The following MGST1 variants were observed in gnomAD, a reference collection of about 807,000 sequenced individuals.
MGST1 encodes microsomal glutathione S-transferase 1, also known as glutathione S-transferase 12.
Under a neutral mutation model 8.9 loss-of-function variants are expected in MGST1, and 5 were observed. That is an observed-to-expected ratio of 0.56 (90% CI 0.29 to 1.19). The LOEUF (loss-of-function observed/expected upper bound fraction) is 1.19, where lower values mean the gene tolerates loss of function less well. Ranked by LOEUF, MGST1 falls within the 50% of genes most tolerant of loss-of-function variation. The probability of loss-of-function intolerance (pLI) is 0.08; values close to 1 mark genes in which losing one functional copy is unlikely to be tolerated. For synonymous variants in MGST1, 54 were observed against 67.8 expected (o/e 0.80, Z 1.00); for missense variants, 182 against 187.4 (o/e 0.97, Z 0.17).
At chr12:16,583,084 T>C (rs1943216313) in intron 4 of MGST1, among the ~76,000 whole-genome samples, 1 of 149,506 alleles carries the variant, frequency 6.7e-6, no homozygotes, top group African/African-American at 2.5e-5. Context: ...TGTAGGGTCA[T>C]GGCATCCAAG....
At chr12:16,514,117 C>A (rs935028033) in intron 4 of MGST1, 1 of 367,136 alleles carries the variant, frequency 2.7e-6, no homozygotes, top group Non-Finnish European at 5.3e-6. Context: ...TTCGACATGG[C>A]CTACCAAGGC....
upstream of MGST1, among the ~76,000 whole-genome samples, chr12:16,382,208 G>A (rs1940463241): frequency 6.6e-6 from 1 of 152,176 alleles, no homozygotes; most frequent in African/African-American, 2.4e-5. Flanking sequence ...GAGGAGGAGA[G>A]GCGCTCTGAT....
In MGST1 at chr12:16,434,357, A is replaced by T. The variant is rs562423429; in HGVS notation, n.779-3031A>T. 5.9e-5 allele frequency among the ~76,000 whole-genome samples: 9 copies of T among 152,208 alleles called. No homozygotes were observed. The South Asian group carries it at 1.9e-3, about 32-fold the overall frequency. On this transcript the variant is annotated intron_variant and non_coding_transcript_variant, in intron 1 of 1. Coordinates refer to the MGST1 transcript ENST00000359720. ...ATACTTTCTAGTTTTAAAACACAAG[A>T]TTAAACAACGGAAATTTCTAGTTCT...
intron 4 of MGST1, chr12:16,573,829 G>A (rs1393000363): frequency 1.3e-5 from 2 of 152,100 alleles, no homozygotes; most frequent in African/African-American, 4.8e-5. Flanking sequence ...GTTAAGTGTC[G>A]AAATCAAGCA....
exon 2 of MGST1, chr12:16,438,492 A>G (rs1239922756): frequency 6.6e-6 from 1 of 151,876 alleles, no homozygotes; most frequent in Admixed American, 6.6e-5. Context: ...GGGTTAACAT[A>G]TGAATAGAGA....
At chr12:16,404,705 T>C (rs939403408) in intron 1 of MGST1, among the ~76,000 whole-genome samples, 2 of 152,186 alleles carry the variant, frequency 1.3e-5, no homozygotes, top group Non-Finnish European at 2.9e-5. Context: ...ATTGTCTTTG[T>C]CTATTTTAAT....
intron 1 of MGST1, among the ~76,000 whole-genome samples, chr12:16,353,623 T>C (rs1348279564): frequency 6.6e-6 from 1 of 152,148 alleles, no homozygotes; most frequent in Non-Finnish European, 1.5e-5. Flanking sequence ...AGTGCTAGTA[T>C]GTGATGTTAG....
chr12:16,557,526 G>C (rs562826430), intron 4 of MGST1, among the ~76,000 whole-genome samples: 1 of 152,044 alleles, frequency 6.6e-6, no homozygotes, highest in Non-Finnish European at 1.5e-5. Flanking sequence ...TATATACCTT[G>C]TTTAAGTAAT....
intron 1 of MGST1, among the ~76,000 whole-genome samples, chr12:16,385,071 C>T (rs1940493076): frequency 6.6e-6 from 1 of 152,128 alleles, no homozygotes; most frequent in African/African-American, 2.4e-5. Context: ...TGGATTTCAC[C>T]CACCGTGGAC....
intron 1 of MGST1, among the ~76,000 whole-genome samples, chr12:16,390,454 C>T (rs1940541774): frequency 6.6e-6 from 1 of 152,174 alleles, no homozygotes; most frequent in South Asian, 2.1e-4. Context: ...CTGCCACCCT[C>T]CACCCTCAAG....
At position 16,517,865 on chromosome 12, in the gene MGST1, C is replaced by T. The variant is rs1268876376; in HGVS notation, n.483-71663C>T. Among the ~76,000 whole-genome samples the T allele has an allele frequency of 6.6e-6, 1 of 152,098 alleles. No homozygotes were observed. The highest frequency in any genetic ancestry group is 2.4e-5 in the African/African-American group (1 of 41,404). The stretch of plus-strand genomic sequence containing the variant: ...ATTCTAGTTATGTTAATACATAGGT[C>T]CCTAAGTTCTTGATTAATGTACATT... On this transcript the variant is annotated intron_variant and non_coding_transcript_variant, in intron 4 of 4. Coordinates refer to the MGST1 transcript ENST00000538857. The surrounding 1 kb of genome is among the most constrained non-coding windows in gnomAD (Gnocchi z 4.2).
chr12:16,415,030 AT>A (rs1284428091), intron 1 of MGST1, among the ~76,000 whole-genome samples: 3 of 151,708 alleles, frequency 2.0e-5, no homozygotes, highest in East Asian at 2.0e-4. Flanking sequence ...GCCTCAAAAA[AT>A]TTTTTTTTCT....
In MGST1 at chr12:16,497,397, G is replaced by A. The variant is rs1463434706; in HGVS notation, n.483-92131G>A. On this transcript the variant is annotated intron_variant and non_coding_transcript_variant, in intron 4 of 4. Transcript: ENST00000538857. This position sits in a 1 kb window ranked among gnomAD's most constrained non-coding sequence, Gnocchi z 4.4. Reference sequence around the variant, plus strand: ...GCAGCAAATGGAAAAGGAGCAAAAAGCTCATTAAAGCAATGATCTGAAATC... The same window carrying A: ...GCAGCAAATGGAAAAGGAGCAAAAAACTCATTAAAGCAATGATCTGAAATC... 6.6e-6 allele frequency among the ~76,000 whole-genome samples: 1 copy of A among 152,090 alleles called. No homozygotes were observed. The highest frequency in any genetic ancestry group is 1.5e-5 in the Non-Finnish European group (1 of 68,004).
downstream of MGST1, among the ~76,000 whole-genome samples, chr12:16,442,433 G>T (rs1414441033): frequency 6.6e-6 from 1 of 151,824 alleles, no homozygotes; most frequent in East Asian, 1.9e-4. The surrounding 1 kb of genome is among the most constrained non-coding windows in gnomAD (Gnocchi z 4.5). Flanking sequence ...CTTCTAGGAG[G>T]TTTACAGCTT....
chr12:16,400,122 T>C, intron 1 of MGST1: 1 of 1,531,662 alleles, frequency 6.5e-7, no homozygotes, highest in Non-Finnish European at 9.0e-7. Flanking sequence ...TCATTTCTCG[T>C]TCCATCTGCT....
At chr12:16,437,252 ATTT>A (rs1427320225) in intron 1 of MGST1, 1 of 151,944 alleles carries the variant, frequency 6.6e-6, no homozygotes, top group Non-Finnish European at 1.5e-5. Context: ...TCTGGAGAAA[ATTT>A]ATAGACCAGA....
At chr12:16,462,287 G>A (rs545272798) in intron 4 of MGST1, among the ~76,000 whole-genome samples, 2 of 152,216 alleles carry the variant, frequency 1.3e-5, no homozygotes, top group South Asian at 2.1e-4. Flanking sequence ...AAGGAACAGG[G>A]TGAATATACT....
At chr12:16,408,024 C>A (rs575382757) in intron 1 of MGST1, among the ~76,000 whole-genome samples, 1 of 96,120 alleles carries the variant, frequency 1.0e-5, no homozygotes, top group South Asian at 3.9e-4. Flanking sequence ...GAGCAAGACT[C>A]TGTCTCAAAA....
At chr12:16,376,056 G>T in intron 3 of MGST1, 1 of 1,071,732 alleles carries the variant, frequency 9.3e-7, no homozygotes, top group Non-Finnish European at 1.3e-6. Context: ...TGTATTTTAT[G>T]TGTTCACGTG....
Sources: gnomAD v4.1 joint callset for allele counts (sites outside exome capture counted in the v4.1 genomes callset) on GRCh38, gnomAD v4.1.1 for gene constraint, Gnocchi (gnomAD v3.1) non-coding constraint, MANE v1.5 for transcripts, NCBI Gene and HGNC (gene_info 2026-07-23, HGNC 2026-07-21) for gene names.